The following GLI2 variants were observed in gnomAD, a reference collection of about 807,000 sequenced individuals.
GLI2 encodes the protein GLI family zinc finger 2, also known as transcription activator GLI2.
Under a neutral mutation model 78.9 loss-of-function variants are expected in GLI2, and 22 were observed. The observed-to-expected ratio is 0.28, with a 90% confidence interval of 0.20 to 0.40. The LOEUF is 0.40. Among genes scored for constraint, GLI2 ranks in the 10% least tolerant of loss-of-function variants. GLI2 has a pLI of 1.00. For missense variants in GLI2, 2,097 were observed against 2,213.2 expected (o/e 0.95, Z 1.05); for synonymous variants, 974 against 963.7 (o/e 1.01, Z -0.20).
rs151120395 is a variant in GLI2 at position 120,819,325 on chromosome 2, C to T, written c.148+21857C>T. Among the ~76,000 whole-genome samples the T allele has an allele frequency of 7.5e-3, 1,121 of 150,444 alleles. 15 individuals are homozygous for T. The highest frequency in any genetic ancestry group is 0.024 in the African/African-American group (980 of 40,774). On this transcript the variant is annotated intron_variant, in intron 2 of 13. Coordinates refer to ENST00000361492, the MANE Select transcript of GLI2 (RefSeq NM_001374353.1). ...TGTGATCTTGGCTCACTGCAACCTC[C>T]GCCTCCCAGGTTCAGGCAATTTTCC...
At chr2:120,955,535 G>A (rs919872166) in intron 5 of GLI2, 105 bp downstream of exon 5, 10 of 765,846 alleles carry the variant, frequency 1.3e-5, no homozygotes, top group Non-Finnish European at 4.1e-6. Flanking sequence ...CTTAAGGAGA[G>A]GTCGGGCTGT....
chr2:120,769,261 CA>C (rs1342539176), intron 1 of GLI2, among the ~76,000 whole-genome samples: 1 of 152,216 alleles, frequency 6.6e-6, no homozygotes, highest in Non-Finnish European at 1.5e-5. Context: ...GGAGGAAAAT[CA>C]GGAGAGGGCT....
chr2:120,978,348 C>T, intron 9 of GLI2, 86 bp from the exon 10 acceptor site: 1 of 1,473,568 alleles, frequency 6.8e-7, no homozygotes, highest in South Asian at 1.1e-5. Flanking sequence ...TGGGGGGGTG[C>T]CGGTGCAGGT....
At chr2:120,772,431 T>C (rs965526140) in intron 1 of GLI2, among the ~76,000 whole-genome samples, 1 of 152,204 alleles carries the variant, frequency 6.6e-6, no homozygotes, top group Non-Finnish European at 1.5e-5. Context: ...TGTTTTGCTT[T>C]CTATATGGGC....
intron 2 of GLI2, among the ~76,000 whole-genome samples, chr2:120,839,197 A>G (rs1686751277): frequency 6.7e-6 from 1 of 150,250 alleles, no homozygotes; most frequent in South Asian, 2.1e-4. Flanking sequence ...ATATTTTAAT[A>G]TATTTGTATA....
Position 120,970,508 on chromosome 2 carries a change from C to A in GLI2, c.961C>A (p.Pro321Thr). ...GHTPPLIQPS[P>T]TFLAQQPMAL... ...CACACCACCCCTGATCCAGCCCTCA[C>A]CCACCTTCCTGGCCCAGCAGCCCAT... The change falls in exon 7 of 14, where the codon CCC (proline) becomes ACC (threonine). Residue 321 changes from proline to threonine, a missense_variant. Physicochemically the swap from Pro to Thr is conservative, Grantham distance 38. Transcript: ENST00000361492. 1 of 1,614,060 alleles carries A rather than the reference C, an allele frequency of 6.2e-7. No individual in the cohort carries two copies. Among genetic ancestry groups the A allele is most frequent in the Non-Finnish European group, 8.5e-7 (1 of 1,179,930 alleles).
intron 8 of GLI2, among the ~76,000 whole-genome samples, chr2:120,974,641 G>A (rs1682358397): frequency 6.6e-6 from 1 of 152,222 alleles, no homozygotes; most frequent in Non-Finnish European, 1.5e-5. Context: ...CTGTGGCAGG[G>A]AAAACTGGTT....
At chr2:120,894,424 T>C (rs1038413623) in intron 2 of GLI2, among the ~76,000 whole-genome samples, 2 of 152,270 alleles carry the variant, frequency 1.3e-5, no homozygotes, top group East Asian at 1.9e-4. Context: ...ACTTTAGCCT[T>C]GAGTATACGC....
chr2:120,738,607 C>T (rs1342271539), intron 1 of GLI2, among the ~76,000 whole-genome samples: 1 of 152,196 alleles, frequency 6.6e-6, no homozygotes, highest in Non-Finnish European at 1.5e-5. Flanking sequence ...TTCAGTTGGG[C>T]TAGCATCTGA....
intron 1 of GLI2, among the ~76,000 whole-genome samples, chr2:120,740,756 A>G (rs1438621232): frequency 2.0e-5 from 3 of 152,264 alleles, no homozygotes; most frequent in Admixed American, 2.0e-4. Flanking sequence ...AAATTTAATG[A>G]ACCAAAAACA....
intron 2 of GLI2, among the ~76,000 whole-genome samples, chr2:120,902,455 T>C (rs1678315690): frequency 6.6e-6 from 1 of 152,148 alleles, no homozygotes; most frequent in Non-Finnish European, 1.5e-5. Context: ...GGTTTGAGTA[T>C]TTCAGGAAGG....
At chr2:120,907,495 T>C (rs1678592401) in intron 2 of GLI2, among the ~76,000 whole-genome samples, 2 of 152,146 alleles carry the variant, frequency 1.3e-5, no homozygotes, top group African/African-American at 4.8e-5. Flanking sequence ...TCCATTACCA[T>C]GGGGAGTGCG....
chr2:120,976,889 G>C (rs1023987572), intron 9 of GLI2, among the ~76,000 whole-genome samples: 12 of 152,230 alleles, frequency 7.9e-5, no homozygotes, highest in Admixed American at 2.0e-4. Context: ...CAGGCGAGCT[G>C]GAGCCCCTGG....
At chr2:120,882,528 G>A (rs1281260421) in intron 2 of GLI2, among the ~76,000 whole-genome samples, 3 of 152,264 alleles carry the variant, frequency 2.0e-5, no homozygotes, top group African/African-American at 7.2e-5. Context: ...GCTTGGGAGA[G>A]GGCGGTGGCT....
chr2:120,758,018 T>C (rs1332737508), intron 1 of GLI2, among the ~76,000 whole-genome samples: 1 of 152,196 alleles, frequency 6.6e-6, no homozygotes, highest in Non-Finnish European at 1.5e-5. Context: ...CCTTTCTGAT[T>C]TTAAGTGGTG....
rs535551875 is a variant in GLI2, at chr2:120,902,987, G to C, written c.149-24374G>C. Among the ~76,000 whole-genome samples the C allele has an allele frequency of 1.6e-3, 251 of 152,288 alleles. 1 individual carries two copies. The highest frequency in any genetic ancestry group is 5.7e-3 in the African/African-American group (235 of 41,576). ...AAATGGTATGAGCTGAGGCAGGAGAGGGAAGTGAGACTCAAGTGATGAATG... is the reference window on the plus strand; with the variant it reads ...AAATGGTATGAGCTGAGGCAGGAGACGGAAGTGAGACTCAAGTGATGAATG... On this transcript the variant is annotated intron_variant, in intron 2 of 13. Transcript: ENST00000361492.
intron 12 of GLI2, among the ~76,000 whole-genome samples, 155 bp from the exon 13 acceptor site, chr2:120,986,121 CAT>C (rs1682958055): frequency 6.6e-6 from 1 of 152,252 alleles, no homozygotes; most frequent in African/African-American, 2.4e-5. Context: ...CAAACAGACT[CAT>C]GACGCTTTAC....
intron 2 of GLI2, chr2:120,866,426 C>A (rs1167520824): frequency 1.3e-5 from 2 of 152,268 alleles, no homozygotes; most frequent in African/African-American, 4.8e-5. Context: ...TAATGGTAAT[C>A]CCATTGCTTA....
intron 2 of GLI2, among the ~76,000 whole-genome samples, chr2:120,808,197 T>C (rs1419262249): frequency 6.6e-6 from 1 of 152,150 alleles, no homozygotes; most frequent in Non-Finnish European, 1.5e-5. Flanking sequence ...CCTTCTATTA[T>C]CCCTGCAATT....
Sources: gnomAD v4.1 joint callset for allele counts (sites outside exome capture counted in the v4.1 genomes callset) on GRCh38, gnomAD v4.1.1 for gene constraint, MANE v1.5 for transcripts, NCBI Gene and HGNC (gene_info 2026-07-23, HGNC 2026-07-21) for gene names.